The following UNC5D variants were observed in gnomAD, a reference collection of about 807,000 sequenced individuals.
The protein encoded by UNC5D is netrin receptor UNC5D.
A neutral mutation model predicts 105.4 loss-of-function variants in UNC5D; 39 were observed. The observed-to-expected ratio is 0.37, with a 90% CI of 0.29 to 0.48. The LOEUF (loss-of-function observed/expected upper bound fraction) is 0.48. Among genes scored for constraint, UNC5D ranks in the 20% least tolerant of loss-of-function variants. UNC5D has a pLI of 0.98. For synonymous variants in UNC5D, 452 were observed against 450.4 expected, an observed-to-expected ratio of 1.00 and a Z score of -0.04; for missense variants, 991 against 1,202.4, an observed-to-expected ratio of 0.82 and a Z score of 2.60.
At chr8:35,321,873 A>G (rs1406351042) in intron 1 of UNC5D, among the ~76,000 whole-genome samples, 1 of 152,120 alleles carries the variant, frequency 6.6e-6, no homozygotes, top group Non-Finnish European at 1.5e-5. Context: ...ACCTTCCCCT[A>G]TGCTAATTAA....
intron 1 of UNC5D, among the ~76,000 whole-genome samples, chr8:35,483,064 A>C (rs1004592286): frequency 2.0e-5 from 3 of 151,892 alleles, no homozygotes; most frequent in Non-Finnish European, 4.4e-5. Context: ...GGGCCTCCCA[A>C]AGTGCTGGGA....
At chr8:35,658,525 A>G (rs1823909793) in intron 4 of UNC5D, among the ~76,000 whole-genome samples, 1 of 152,112 alleles carries the variant, frequency 6.6e-6, no homozygotes, top group Non-Finnish European at 1.5e-5. Context: ...GATGCTGTGT[A>G]ATGATGTTAC....
At chr8:35,695,076 T>C (rs894182956) in intron 7 of UNC5D, among the ~76,000 whole-genome samples, 1 of 152,222 alleles carries the variant, frequency 6.6e-6, no homozygotes, top group Admixed American at 6.5e-5. Flanking sequence ...ATACATTCAT[T>C]ACATTCTTTA....
At chr8:35,549,677 A>G (rs1481348257) in intron 2 of UNC5D, among the ~76,000 whole-genome samples, 167 bp downstream of exon 2, 3 of 152,158 alleles carry the variant, frequency 2.0e-5, no homozygotes, top group East Asian at 1.9e-4. Context: ...AAATGACCCT[A>G]CAGCTGCCTT....
intron 1 of UNC5D, among the ~76,000 whole-genome samples, chr8:35,291,997 T>C (rs1807104466): frequency 6.6e-6 from 1 of 152,226 alleles, no homozygotes; most frequent in African/African-American, 2.4e-5. Context: ...GGTTTTCTTC[T>C]AGGTTTCTTC....
At chr8:35,567,260 T>C (rs1817415201) in intron 2 of UNC5D, among the ~76,000 whole-genome samples, 1 of 152,150 alleles carries the variant, frequency 6.6e-6, no homozygotes, top group Admixed American at 6.5e-5. Context: ...TGTACTGCTA[T>C]GATGTATCAA....
intron 13 of UNC5D, among the ~76,000 whole-genome samples, chr8:35,753,495 C>T (rs557853522): frequency 3.3e-5 from 5 of 152,162 alleles, no homozygotes; most frequent in African/African-American, 4.8e-5. Flanking sequence ...GGTCTCGATC[C>T]GCCCACCTCA....
chr8:35,417,850 A>G (rs969914873), intron 1 of UNC5D, among the ~76,000 whole-genome samples: 1 of 152,178 alleles, frequency 6.6e-6, no homozygotes, highest in Admixed American at 6.5e-5. Flanking sequence ...CAAAATAATC[A>G]TTATGCCAGA....
chr8:35,778,511 C>A (rs1802358731), intron 16 of UNC5D, among the ~76,000 whole-genome samples: 1 of 152,068 alleles, frequency 6.6e-6, no homozygotes, highest in Non-Finnish European at 1.5e-5. Flanking sequence ...TGTCTCTATG[C>A]CAACATTATT....
chr8:35,561,397 C>T (rs1480041121), intron 2 of UNC5D, among the ~76,000 whole-genome samples: 1 of 152,170 alleles, frequency 6.6e-6, no homozygotes, highest in Non-Finnish European at 1.5e-5. Context: ...TGAAAGACCC[C>T]CATGCTTCCC....
At chr8:35,707,040 C>A (rs998087002) in intron 8 of UNC5D, among the ~76,000 whole-genome samples, 4 of 152,206 alleles carry the variant, frequency 2.6e-5, no homozygotes, top group Non-Finnish European at 5.9e-5. Context: ...TGCCTAGCAT[C>A]TCTCATTCTA....
intron 4 of UNC5D, among the ~76,000 whole-genome samples, chr8:35,600,652 T>A (rs1819802785): frequency 6.6e-6 from 1 of 152,220 alleles, no homozygotes; most frequent in Admixed American, 6.5e-5. Context: ...GGTTGTTTGT[T>A]TTTTTCTTGT....
chr8:35,327,783 T>C (rs1395567910), intron 1 of UNC5D, among the ~76,000 whole-genome samples: 6 of 152,264 alleles, frequency 3.9e-5, no homozygotes, highest in African/African-American at 1.4e-4. Context: ...AGTTCCAAGC[T>C]CCCAGCTGGT....
intron 1 of UNC5D, among the ~76,000 whole-genome samples, chr8:35,539,051 A>G (rs1226332793): frequency 9.2e-5 from 14 of 152,292 alleles, no homozygotes; most frequent in Non-Finnish European, 5.9e-5. Context: ...TAGTAAAGAA[A>G]TAGATCAACA....
chr8:35,760,048 T>C (rs1420576522), intron 14 of UNC5D, among the ~76,000 whole-genome samples: 1 of 151,532 alleles, frequency 6.6e-6, no homozygotes, highest in Non-Finnish European at 1.5e-5. Context: ...TTCTTTTTTT[T>C]TTTTTTTTTA....
At chr8:35,239,127 A>G (rs1029758767) in intron 1 of UNC5D, among the ~76,000 whole-genome samples, 1 of 152,156 alleles carries the variant, frequency 6.6e-6, no homozygotes, top group East Asian at 1.9e-4. Context: ...ATAAGAGATT[A>G]ATTGTTCTGA....
chr8:35,495,458 CAAAAAAAAAAA>C (rs71547636), intron 1 of UNC5D, among the ~76,000 whole-genome samples: 1 of 44,632 alleles, frequency 2.2e-5, no homozygotes, highest in East Asian at 8.3e-4. Flanking sequence ...ACAACAACAA[CAAAAAAAAAAA>C]AAAAAAAAAA....
rs754373452 is a variant in UNC5D, at chr8:35,722,456, A to AC, written c.1303+65dup. ...GTGCCATAGACTACGCTCACACTAG[A>AC]CCCCAGCCTTCTCCTGGGCCCTGTG... On this transcript the variant is annotated intron_variant, in intron 9 of 16. Coordinates refer to ENST00000404895, the MANE Select transcript of UNC5D (RefSeq NM_080872.4). 101 of 1,542,854 alleles carry AC rather than the reference A, an allele frequency of 6.5e-5. 1 individual carries two copies. The South Asian group carries it at 1.2e-3, about 19-fold the overall frequency.
At chr8:35,756,146 C>T (rs1830508442) in intron 13 of UNC5D, among the ~76,000 whole-genome samples, 2 of 152,050 alleles carry the variant, frequency 1.3e-5, no homozygotes, top group African/African-American at 4.8e-5. Flanking sequence ...AGTTCATTAC[C>T]AGGCTTTTTC....
Sources: allele counts gnomAD v4.1 joint callset (sites outside exome capture counted in the v4.1 genomes callset), GRCh38; gene constraint gnomAD v4.1.1; transcripts MANE v1.5; gene names NCBI Gene and HGNC (gene_info 2026-07-23, HGNC 2026-07-21).